VPS8: variants seen among roughly 807,000 people sequenced by gnomAD.
VPS8 encodes vacuolar protein sorting-associated protein 8 homolog.
Under a neutral mutation model 216.4 loss-of-function variants are expected in VPS8, and 129 were observed. The observed-to-expected ratio is 0.60, with a 90% CI of 0.52 to 0.69. The LOEUF is 0.69. Among genes scored for constraint, VPS8 ranks in the 30% least tolerant of loss-of-function variants. The probability of loss-of-function intolerance (pLI) is 0.00; values close to 1 mark genes in which losing one functional copy is unlikely to be tolerated. For synonymous variants in VPS8, 571 were observed against 565.4 expected, an observed-to-expected ratio of 1.01 and a Z score of -0.14; for missense variants, 1,531 against 1,683.5, an observed-to-expected ratio of 0.91 and a Z score of 1.59.
intron 40 of VPS8, among the ~76,000 whole-genome samples, chr3:184,979,991 G>A (rs1234453613): frequency 6.6e-6 from 1 of 152,118 alleles, no homozygotes; most frequent in East Asian, 1.9e-4. Context: ...ATGTCTGGTG[G>A]TAACGAATTT....
At chr3:184,983,628 G>A (rs1038422349) in intron 42 of VPS8, among the ~76,000 whole-genome samples, 2 of 151,812 alleles carry the variant, frequency 1.3e-5, no homozygotes, top group African/African-American at 2.4e-5. Flanking sequence ...GAACCTTCTC[G>A]GCTTCATCAA....
chr3:185,008,728 T>C (rs1336779780), intron 45 of VPS8, among the ~76,000 whole-genome samples: 1 of 152,028 alleles, frequency 6.6e-6, no homozygotes, highest in African/African-American at 2.4e-5. Flanking sequence ...AAATGACTTG[T>C]TCAAGGAACT....
chr3:185,010,120 G>T (rs922334682), intron 45 of VPS8, among the ~76,000 whole-genome samples: 3 of 151,942 alleles, frequency 2.0e-5, no homozygotes, highest in Admixed American at 6.6e-5. Context: ...AGGTAGCATT[G>T]AGAGTACTAA....
chr3:184,982,697 A>T, intron 41 of VPS8, 50 bp downstream of exon 41: 2 of 1,406,602 alleles, frequency 1.4e-6, no homozygotes, highest in South Asian at 2.5e-5. Flanking sequence ...TCATCAGTCC[A>T]ATATTTGTCT....
At chr3:184,953,984 G>A (rs1745155503) in intron 36 of VPS8, among the ~76,000 whole-genome samples, 1 of 152,090 alleles carries the variant, frequency 6.6e-6, no homozygotes, top group Non-Finnish European at 1.5e-5. Flanking sequence ...CCGAGCATAA[G>A]CCCCAGGCTG....
intron 45 of VPS8, among the ~76,000 whole-genome samples, chr3:185,014,620 A>G (rs1755528051): frequency 6.6e-6 from 1 of 152,198 alleles, no homozygotes; most frequent in African/African-American, 2.4e-5. Flanking sequence ...TCTGGCCTTT[A>G]GACAGGCTCA....
In VPS8 at chr3:184,867,657, C is replaced by T. The variant is rs117868164; in HGVS notation, c.1471-367C>T. Among the ~76,000 whole-genome samples the T allele has an allele frequency of 2.4e-4, 37 of 152,250 alleles. No homozygotes were observed. The East Asian group carries it at 5.8e-3, about 24-fold the overall frequency. Reference sequence around the variant, plus strand: ...GGCTAAGAGTTCAAGACCAGCCTGGCCAACATGGCAAAACCTTGTCTCTAG... The same window carrying T: ...GGCTAAGAGTTCAAGACCAGCCTGGTCAACATGGCAAAACCTTGTCTCTAG... On this transcript the variant is annotated intron_variant, in intron 17 of 47. Coordinates refer to ENST00000625842, the MANE Select transcript of VPS8 (RefSeq NM_001009921.3).
chr3:184,905,566 T>A (rs1247553474), intron 25 of VPS8, among the ~76,000 whole-genome samples: 3 of 151,960 alleles, frequency 2.0e-5, no homozygotes, highest in Non-Finnish European at 2.9e-5. Flanking sequence ...CTTTAGTCTA[T>A]TTGCTTTCTT....
rs1403653159 is a variant in VPS8 at position 184,903,973 on chromosome 3, C to T, written c.2146+3001C>T. On this transcript the variant is annotated intron_variant, in intron 25 of 47. Transcript: ENST00000625842. ...AATGTATAGGTCATATACTCCTTTTCCTCCTCCTAAGTATTTTATTCACCT... is the reference window on the plus strand; with the variant it reads ...AATGTATAGGTCATATACTCCTTTTTCTCCTCCTAAGTATTTTATTCACCT... Among the ~76,000 whole-genome samples, 3 of 152,052 alleles carry T rather than the reference C, an allele frequency of 2.0e-5. No individual in the cohort carries two copies. In the South Asian group the frequency reaches 6.2e-4, roughly 32 times the overall value.
intron 21 of VPS8, among the ~76,000 whole-genome samples, chr3:184,884,018 C>T (rs1472199659): frequency 6.6e-6 from 1 of 152,056 alleles, no homozygotes; most frequent in African/African-American, 2.4e-5. Context: ...TTAGGGTGAT[C>T]TCTGGGGAGT....
Position 184,915,050 on chromosome 3 carries a change from C to G in VPS8, c.2259C>G (p.Asn753Lys). The change falls in exon 27 of 48, where the codon AAC (asparagine) becomes AAG (lysine). Residue 753 changes from asparagine (N) to lysine (K), a missense_variant. This residue lies in a region of VPS8 where 1,318 missense variants were observed against 1,468.4 expected (regional missense o/e 0.90). Coordinates refer to ENST00000625842, the MANE Select transcript of VPS8 (RefSeq NM_001009921.3). Reference protein sequence around the residue: ...IPEDLVPLVKNQVFEFLIRLH... With the variant: ...IPEDLVPLVKKQVFEFLIRLH... ...AAGATCTGGTTCCCTTGGTTAAAAA[C>G]CAGGTTGGTACTATTTTTATAGCCT... 1 of 1,613,898 alleles carries G rather than the reference C, an allele frequency of 6.2e-7. No individual in the cohort carries two copies. Among genetic ancestry groups the G allele is most frequent in the Non-Finnish European group, 8.5e-7 (1 of 1,179,774 alleles).
chr3:184,936,780 C>T (rs1472041719), intron 35 of VPS8, among the ~76,000 whole-genome samples: 5 of 151,664 alleles, frequency 3.3e-5, no homozygotes, highest in Non-Finnish European at 7.4e-5. Context: ...CTCTGTCACC[C>T]AGGCTGGAGT....
chr3:184,853,909 A>G lies in VPS8; in HGVS notation c.874A>G (p.Lys292Glu), dbSNP rs749957681. Residue 292 changes from lysine to glutamate, a missense_variant, in exon 12 of 48, where the codon AAG becomes GAG. By Grantham distance (56) the Lys-to-Glu change is moderately conservative. Transcript: ENST00000625842. The part of the protein sequence containing the change: ...CESRCLFSGS[K>E]GEVCCIEPLH... ...ATCTAGATGTCTGTTCAGTGGTTCC[A>G]AGGGTGAAGTCTGCTGTATTGAGCC... 3.1e-6 allele frequency: 5 copies of G among 1,607,976 alleles called. No homozygotes were observed. The highest frequency in any genetic ancestry group is 1.7e-5 in the Admixed American group (1 of 58,972).
At chr3:184,988,387 T>C (rs1237286649) in intron 42 of VPS8, among the ~76,000 whole-genome samples, 1 of 152,244 alleles carries the variant, frequency 6.6e-6, no homozygotes, top group Non-Finnish European at 1.5e-5. Flanking sequence ...CATGTGAATA[T>C]ACACAGTTGG....
At chr3:184,858,289 G>A (rs1486596072) in intron 14 of VPS8, among the ~76,000 whole-genome samples, 2 of 152,110 alleles carry the variant, frequency 1.3e-5, no homozygotes, top group Non-Finnish European at 1.5e-5. Flanking sequence ...ATTTTGGGCT[G>A]CAAGAGTTAC....
chr3:185,030,306 A>G (rs2108443862), intron 46 of VPS8, among the ~76,000 whole-genome samples: 1 of 152,380 alleles, frequency 6.6e-6, no homozygotes, highest in African/African-American at 2.4e-5. Flanking sequence ...TACATTTATG[A>G]TAACTAGAGA....
chr3:184,915,152 A>G (rs2109086783), intron 27 of VPS8, 99 bp downstream of exon 27: 20 of 1,401,482 alleles, frequency 1.4e-5, no homozygotes, highest in Non-Finnish European at 2.0e-5. Context: ...GTCAGGAGCT[A>G]TCACCTGTTG....
rs371565357 is a variant in VPS8 at position 184,905,271 on chromosome 3, CTTTG to C, written c.2146+4306_2146+4309del. Among the ~76,000 whole-genome samples the C allele has an allele frequency of 3.6e-3, 555 of 152,158 alleles. 3 individuals are homozygous for C. Among genetic ancestry groups the C allele is most frequent in the African/African-American group, 0.013 (531 of 41,512 alleles). ...TCAGACCATAGCACTAGTTTAGTTTCTTTGTTTGTTGGAGTTTACTCAGATTATC... is the reference window on the plus strand; with the variant it reads ...TCAGACCATAGCACTAGTTTAGTTTCTTTGTTGGAGTTTACTCAGATTATC... On this transcript the variant is annotated intron_variant, in intron 25 of 47. Transcript: ENST00000625842.
chr3:184,982,460 G>T, intron 40 of VPS8, 106 bp from the exon 41 acceptor site: 2 of 689,344 alleles, frequency 2.9e-6, no homozygotes, highest in Non-Finnish European at 2.4e-6. Context: ...TATGTGAGAA[G>T]TACGTTTCAA....
Sources: allele counts gnomAD v4.1 joint callset (sites outside exome capture counted in the v4.1 genomes callset), GRCh38; gene constraint gnomAD v4.1.1; regional missense constraint gnomAD v4.1.1; transcripts MANE v1.5; gene names NCBI Gene and HGNC (gene_info 2026-07-23, HGNC 2026-07-21).